The following ABTB2 variants were observed in gnomAD, a reference collection of about 807,000 sequenced individuals.
ABTB2 encodes the protein ankyrin repeat and BTB domain containing 2, also known as ankyrin repeat and BTB/POZ domain-containing protein 2.
Under a neutral mutation model 104.1 loss-of-function variants are expected in ABTB2, and 56 were observed. That is an observed-to-expected ratio of 0.54 (90% CI 0.43 to 0.67). The LOEUF is 0.67. ABTB2 is among the 30% of genes least tolerant of loss of function. The pLI is 0.00. For missense variants in ABTB2, 1,279 were observed against 1,407.7 expected (o/e 0.91, Z 1.46); for synonymous variants, 606 against 608.2 (o/e 1.00, Z 0.05).
chr11:34,199,887 T>C lies in ABTB2; in HGVS notation c.1031-2349A>G, dbSNP rs531150226. The stretch of plus-strand genomic sequence containing the variant: ...ACTGTTATAATTAATGTCCTATTAT[T>C]ATTATTCCTCTATCCTACGGGCCGC... On this transcript the variant is annotated intron_variant, in intron 2 of 16. Coordinates refer to ENST00000435224, the MANE Select transcript of ABTB2 (RefSeq NM_145804.3). Among the ~76,000 whole-genome samples, 412 of 152,310 alleles carry C rather than the reference T, an allele frequency of 2.7e-3. 1 individual carries two copies. The highest frequency in any genetic ancestry group is 9.3e-3 in the African/African-American group (387 of 41,558).
At chr11:34,240,999 C>A (rs1853909399) in intron 1 of ABTB2, among the ~76,000 whole-genome samples, 1 of 152,064 alleles carries the variant, frequency 6.6e-6, no homozygotes, top group Non-Finnish European at 1.5e-5. Context: ...AGGCTGAGTT[C>A]ACAGGGTTTT....
At chr11:34,346,846 C>A (rs893397417) in intron 1 of ABTB2, among the ~76,000 whole-genome samples, 5 of 152,192 alleles carry the variant, frequency 3.3e-5, no homozygotes, top group Non-Finnish European at 7.3e-5. Context: ...TGCTTGTGCA[C>A]GTACACCCAC....
At chr11:34,329,971 C>T (rs1048312273) in intron 1 of ABTB2, among the ~76,000 whole-genome samples, 2 of 152,214 alleles carry the variant, frequency 1.3e-5, no homozygotes, top group African/African-American at 4.8e-5. Context: ...AACTCCGTCC[C>T]ATCTCTGTGC....
In ABTB2 at chr11:34,246,533, G is replaced by A. The variant is rs1242466247; in HGVS notation, c.884-41843C>T. On this transcript the variant is annotated intron_variant, in intron 1 of 16. Transcript: ENST00000435224. ...GGAGAATCGCTTGAACCCAGGAGGT[G>A]GAGGTTGCAGTGAGCCGAGATCGCA... 3.1e-4 allele frequency among the ~76,000 whole-genome samples: 46 copies of A among 147,982 alleles called. 1 individual carries two copies. The highest frequency in any genetic ancestry group is 1.6e-3 in the Admixed American group (24 of 14,752).
intron 1 of ABTB2, among the ~76,000 whole-genome samples, chr11:34,237,697 C>T (rs1381729107): frequency 5.3e-5 from 8 of 152,140 alleles, no homozygotes; most frequent in Non-Finnish European, 7.3e-5. Context: ...GAGTTTGAGA[C>T]CAGCCTGACA....
intron 1 of ABTB2, among the ~76,000 whole-genome samples, chr11:34,218,122 T>G (rs549942505): frequency 6.6e-6 from 1 of 152,372 alleles, no homozygotes; most frequent in African/African-American, 2.4e-5. Context: ...TTGATCCATT[T>G]TTAAATTGAT....
intron 1 of ABTB2, among the ~76,000 whole-genome samples, chr11:34,292,469 T>C (rs1172618333): frequency 1.3e-5 from 2 of 152,234 alleles, no homozygotes; most frequent in African/African-American, 4.8e-5. Context: ...ACCACTGGTC[T>C]CTACTGTGGT....
In ABTB2 at chr11:34,154,120, ACCCT is replaced by A. The variant is rs758533915; in HGVS notation, c.2880+141_2880+144del. The A allele has an allele frequency of 4.7e-6, 3 of 640,280 alleles. No individual in the cohort carries two copies. Among genetic ancestry groups the A allele is most frequent in the Non-Finnish European group, 8.5e-6 (3 of 353,526 alleles). 39.7% of individuals were successfully genotyped at this position (640,280 alleles called of 1,614,324 possible). On this transcript the variant is annotated intron_variant, in intron 16 of 16. Transcript: ENST00000435224. The surrounding 1 kb of genome is among the most constrained non-coding windows in gnomAD (Gnocchi z 4.9). The stretch of plus-strand genomic sequence containing the variant: ...CCCCAGGCAACACAGGGAGTTGCTA[ACCCT>A]CCCTCAGCCTCTACACTGCCCTCAG...
intron 7 of ABTB2, among the ~76,000 whole-genome samples, chr11:34,166,502 C>T (rs887208004): frequency 6.6e-6 from 1 of 152,158 alleles, no homozygotes; most frequent in African/African-American, 2.4e-5. Flanking sequence ...GTAACAGCCA[C>T]TCGCTGAGTC....
intron 1 of ABTB2, among the ~76,000 whole-genome samples, chr11:34,207,947 G>A (rs1012962468): frequency 3.3e-5 from 5 of 152,154 alleles, no homozygotes; most frequent in Non-Finnish European, 4.4e-5. Context: ...CCTGCCAAGG[G>A]TTCCTGGAGG....
In ABTB2 at chr11:34,154,485, T is replaced by A; in HGVS notation, c.2767-107A>T. On this transcript the variant is annotated intron_variant, in intron 15 of 16. Coordinates refer to ENST00000435224, the MANE Select transcript of ABTB2 (RefSeq NM_145804.3). This position sits in a 1 kb window ranked among gnomAD's most constrained non-coding sequence, Gnocchi z 4.9. ...GCCGTGTGCCCTGCTGCCTCCACCC[T>A]CAGGCCCCACTACCTTCTGATACTC... 1 of 900,036 alleles carries A rather than the reference T, an allele frequency of 1.1e-6. No individual in the cohort carries two copies. The highest frequency in any genetic ancestry group is 1.7e-6 in the Non-Finnish European group (1 of 572,986). The allele number at this position is 900,036 out of a possible 1,614,324, so 55.8% of individuals were successfully genotyped here. A position where few individuals can be genotyped will look rare whatever the true frequency, so the allele number is the denominator to read the frequency against.
chr11:34,242,168 A>C (rs1853926718), intron 1 of ABTB2, among the ~76,000 whole-genome samples: 2 of 152,194 alleles, frequency 1.3e-5, no homozygotes, highest in Admixed American at 6.5e-5. Flanking sequence ...TAAAGTCAAG[A>C]TTCGGTCATG....
At chr11:34,160,122 A>C in intron 12 of ABTB2, 114 bp from the exon 13 acceptor site, 1 of 1,247,028 alleles carries the variant, frequency 8.0e-7, no homozygotes, top group South Asian at 1.3e-5. Flanking sequence ...GAGGTGAGGA[A>C]CAGAGAAACT....
chr11:34,357,050 G>C lies in ABTB2; in HGVS notation c.534C>G (p.Ala178=). The C allele has an allele frequency of 2.0e-6, 3 of 1,529,394 alleles. No homozygotes were observed. The highest frequency in any genetic ancestry group is 1.2e-5 in the South Asian group (1 of 83,772). 94.7% of individuals were successfully genotyped at this position (1,529,394 alleles called of 1,614,324 possible). ...TGCTGTACAGGGACAGCGCCTTGAC[G>C]GCTGCCAGCGCGCAGCTCTCGGCCA... ...WALAESCALA[A]VKALSLYSMS... The change falls in exon 1 of 17, where the codon GCC becomes GCG. Residue 178 remains alanine (A), a synonymous_variant. Coordinates refer to ENST00000435224, the MANE Select transcript of ABTB2 (RefSeq NM_145804.3).
chr11:34,166,519 A>T (rs1448965552), intron 7 of ABTB2, among the ~76,000 whole-genome samples: 1 of 152,354 alleles, frequency 6.6e-6, no homozygotes, highest in South Asian at 2.1e-4. Flanking sequence ...AGTCCTTGTG[A>T]TAGGCTAGGG....
At chr11:34,248,244 T>C (rs1012788048) in intron 1 of ABTB2, among the ~76,000 whole-genome samples, 2 of 152,040 alleles carry the variant, frequency 1.3e-5, no homozygotes, top group African/African-American at 4.8e-5. Context: ...GCTTGCACCA[T>C]CATGCCCAGC....
At chr11:34,249,304 A>G (rs1357378469) in intron 1 of ABTB2, among the ~76,000 whole-genome samples, 1 of 152,214 alleles carries the variant, frequency 6.6e-6, no homozygotes, top group Admixed American at 6.5e-5. Flanking sequence ...CTGAACTGCA[A>G]CTGTGGTCAG....
intron 1 of ABTB2, among the ~76,000 whole-genome samples, chr11:34,276,218 TAA>T (rs760725017): frequency 6.4e-4 from 87 of 136,752 alleles, no homozygotes; most frequent in Admixed American, 1.0e-3. Flanking sequence ...CTTGTTTGGT[TAA>T]AAAAAAAAAA....
intron 1 of ABTB2, among the ~76,000 whole-genome samples, chr11:34,211,268 C>T (rs938110544): frequency 2.2e-4 from 34 of 152,120 alleles, no homozygotes; most frequent in Admixed American, 1.2e-3. Flanking sequence ...CTGCCGTGTC[C>T]AGCTAATTTT....
Sources: allele counts gnomAD v4.1 joint callset (sites outside exome capture counted in the v4.1 genomes callset), GRCh38; gene constraint gnomAD v4.1.1; non-coding constraint Gnocchi (gnomAD v3.1); transcripts MANE v1.5; gene names NCBI Gene and HGNC (gene_info 2026-07-23, HGNC 2026-07-21).